Variants in DNAAF9 observed in about 807,000 individuals in gnomAD.
DNAAF9 encodes the protein dynein axonemal assembly factor 9, also known as shulin.
In DNAAF9, 90 loss-of-function variants were observed where a neutral mutation model predicts 167.0. The observed-to-expected ratio is 0.54, with a 90% CI of 0.45 to 0.64. DNAAF9 has a LOEUF of 0.64. Among genes scored for constraint, DNAAF9 ranks in the 30% least tolerant of loss-of-function variants. The pLI is 0.00. For synonymous variants in DNAAF9, 491 were observed against 508.8 expected (o/e 0.96, Z 0.47); for missense variants, 1,315 against 1,442.2 (o/e 0.91, Z 1.43).
intron 28 of DNAAF9, among the ~76,000 whole-genome samples, chr20:3,280,916 G>A (rs1047213589): frequency 6.6e-6 from 1 of 151,692 alleles, no homozygotes; most frequent in African/African-American, 2.4e-5. Context: ...TGCCCTGCCT[G>A]ATTTTGTTAC....
intron 1 of DNAAF9, among the ~76,000 whole-genome samples, chr20:3,395,428 G>A (rs1387418972): frequency 6.6e-6 from 1 of 151,852 alleles, no homozygotes; most frequent in Non-Finnish European, 1.5e-5. Flanking sequence ...TTACAGATGT[G>A]CGCCACTATG....
chr20:3,347,618 T>C (rs1242618402), intron 8 of DNAAF9, among the ~76,000 whole-genome samples: 2 of 152,098 alleles, frequency 1.3e-5, no homozygotes, highest in Non-Finnish European at 1.5e-5. Context: ...GAGCATTGTA[T>C]TGTGGAGTTT....
rs1360379511 is a variant in DNAAF9 at position 3,315,959 on chromosome 20, C to T, written c.1540-174G>A. ...CTGAGATGTCTGCTGGTCACCTGGG[C>T]TCAGAGCCCAAGGCCTTGGTGGGCT... On this transcript the variant is annotated intron_variant, in intron 18 of 36. Coordinates refer to ENST00000252032, the MANE Select transcript of DNAAF9 (RefSeq NM_001009984.3). The surrounding 1 kb of genome is among the most constrained non-coding windows in gnomAD (Gnocchi z 4.1). The T allele has an allele frequency of 1.6e-6, 1 of 635,488 alleles. No individual in the cohort carries two copies. Among genetic ancestry groups the T allele is most frequent in the African/African-American group, 1.8e-5 (1 of 54,948 alleles). 39.4% of individuals were successfully genotyped at this position (635,488 alleles called of 1,614,324 possible). A position where few individuals can be genotyped will look rare whatever the true frequency, so the allele number is the denominator to read the frequency against.
chr20:3,303,753 C>T (rs1208207888), intron 21 of DNAAF9, among the ~76,000 whole-genome samples: 1 of 152,228 alleles, frequency 6.6e-6, no homozygotes, highest in Admixed American at 6.5e-5. Context: ...GGTGGGCCTG[C>T]CCTCTGCTCT....
At chr20:3,349,877 A>C (rs986526863) in intron 7 of DNAAF9, among the ~76,000 whole-genome samples, 1 of 152,102 alleles carries the variant, frequency 6.6e-6, no homozygotes, top group South Asian at 2.1e-4. Flanking sequence ...TTCCCTGTCC[A>C]TTTTACACCA....
chr20:3,283,174 T>C (rs1359498457), intron 27 of DNAAF9, among the ~76,000 whole-genome samples: 1 of 152,096 alleles, frequency 6.6e-6, no homozygotes. Flanking sequence ...CACCAAAAGG[T>C]TTGTTCCTAT....
rs556064679 is a variant in DNAAF9 at position 3,274,594 on chromosome 20, G to A, written c.2651-4032C>T. On this transcript the variant is annotated intron_variant, in intron 29 of 36. Coordinates refer to ENST00000252032, the MANE Select transcript of DNAAF9 (RefSeq NM_001009984.3). ...AGACAAATTGCTCTACTTTCTCTCT[G>A]AAACCAAATATCCTCCTCTGTAAGA... is the stretch of plus-strand genomic sequence containing the variant. 3.3e-5 allele frequency among the ~76,000 whole-genome samples: 5 copies of A among 152,286 alleles called. No homozygotes were observed. In the South Asian group the frequency reaches 1.0e-3, roughly 32 times the overall value.
chr20:3,306,265 C>T (rs1218363063), intron 20 of DNAAF9, among the ~76,000 whole-genome samples: 1 of 152,200 alleles, frequency 6.6e-6, no homozygotes, highest in Non-Finnish European at 1.5e-5. Flanking sequence ...TCCCTCCCCA[C>T]ACCCCATCCT....
At position 3,315,363 on chromosome 20, in the gene DNAAF9, G is replaced by A. The variant is rs904636991; in HGVS notation, c.1591-243C>T. 2.6e-5 allele frequency among the ~76,000 whole-genome samples: 4 copies of A among 152,186 alleles called. No individual in the cohort carries two copies. The highest frequency in any genetic ancestry group is 4.8e-5 in the African/African-American group (2 of 41,432). ...TCTCTGAGTCCAGGCATCAAAGCCC[G>A]CAATGCTTGTTCATGTTCCAGTGGA... On this transcript the variant is annotated intron_variant, in intron 19 of 36. Transcript: ENST00000252032. This position sits in a 1 kb window ranked among gnomAD's most constrained non-coding sequence, Gnocchi z 4.1.
intron 8 of DNAAF9, 150 bp downstream of exon 8, chr20:3,348,375 G>C: frequency 2.4e-6 from 1 of 416,756 alleles, no homozygotes; most frequent in Non-Finnish European, 4.2e-6. Flanking sequence ...GTTGGCATGG[G>C]GGGGAACTAC....
At chr20:3,282,177 C>T (rs536178237) in intron 27 of DNAAF9, among the ~76,000 whole-genome samples, 16 of 152,158 alleles carry the variant, frequency 1.1e-4, no homozygotes, top group Non-Finnish European at 1.8e-4. Flanking sequence ...CAAGAGAGTG[C>T]GTCCGGACCC....
At chr20:3,365,614 A>G (rs1455285636) in intron 6 of DNAAF9, among the ~76,000 whole-genome samples, 1 of 151,924 alleles carries the variant, frequency 6.6e-6, no homozygotes, top group African/African-American at 2.4e-5. Flanking sequence ...CTGGTCTTGA[A>G]CTTCTGACCT....
chr20:3,347,478 A>G (rs1037714397), intron 8 of DNAAF9, among the ~76,000 whole-genome samples: 1 of 152,236 alleles, frequency 6.6e-6, no homozygotes, highest in African/African-American at 2.4e-5. Context: ...AGAGAGCAAC[A>G]ACATGGGCAA....
intron 16 of DNAAF9, 39 bp from the exon 17 acceptor site, chr20:3,318,439 C>A: frequency 9.9e-7 from 1 of 1,007,246 alleles, no homozygotes; most frequent in Non-Finnish European, 1.6e-6. Flanking sequence ...AGTTACCAGC[C>A]CAAAACTTTC....
At position 3,341,610 on chromosome 20, in the gene DNAAF9, C is replaced by A. The variant is rs971757130; in HGVS notation, c.846-971G>T. On this transcript the variant is annotated intron_variant, in intron 9 of 36. Transcript: ENST00000252032. ...TCCTCCGCCTTCAAATCTAATTAAC[C>A]TTCTCAAAAGCCTTCCTATTTAACC... Among the ~76,000 whole-genome samples the A allele has an allele frequency of 5.3e-5, 8 of 152,286 alleles. No individual in the cohort carries two copies. The East Asian group carries it at 1.5e-3, about 29-fold the overall frequency.
intron 2 of DNAAF9, among the ~76,000 whole-genome samples, chr20:3,382,094 A>G (rs914977116): frequency 2.0e-5 from 3 of 152,166 alleles, no homozygotes; most frequent in Non-Finnish European, 4.4e-5. Context: ...CCATCTCTCA[A>G]TGCTTTAGGT....
At chr20:3,310,235 AAGAG>A (rs1001499502) in intron 20 of DNAAF9, among the ~76,000 whole-genome samples, 1 of 151,254 alleles carries the variant, frequency 6.6e-6, no homozygotes, top group Non-Finnish European at 1.5e-5. Flanking sequence ...GATCGAGAGA[AAGAG>A]AGAGAAACAG....
At position 3,381,511 on chromosome 20, in the gene DNAAF9, G is replaced by C; in HGVS notation, c.164-13C>G. The C allele has an allele frequency of 6.2e-7, 1 of 1,612,440 alleles. No homozygotes were observed. On this transcript the variant is annotated splice_polypyrimidine_tract_variant and intron_variant, in intron 2 of 36. Transcript: ENST00000252032. ...CTGCTATCGATTCCTGCAAGGCAAAGGAGGCTCTGATCAGCTGTACCATAC... is the reference window on the plus strand; with the variant it reads ...CTGCTATCGATTCCTGCAAGGCAAACGAGGCTCTGATCAGCTGTACCATAC...
intron 7 of DNAAF9, among the ~76,000 whole-genome samples, chr20:3,357,990 G>C (rs1046027733): frequency 1.3e-5 from 2 of 152,028 alleles, no homozygotes; most frequent in Non-Finnish European, 2.9e-5. Flanking sequence ...CTTGGGAACA[G>C]AGCAAGACCC....
Sources: allele counts gnomAD v4.1 joint callset (sites outside exome capture counted in the v4.1 genomes callset), GRCh38; gene constraint gnomAD v4.1.1; non-coding constraint Gnocchi (gnomAD v3.1); transcripts MANE v1.5; gene names NCBI Gene and HGNC (gene_info 2026-07-23, HGNC 2026-07-21).